Variants in C19orf12 observed in about 807,000 individuals in gnomAD.
The protein encoded by C19orf12 is chromosome 19 open reading frame 12, also known as protein C19orf12.
In C19orf12, 2 loss-of-function variants were observed where a neutral mutation model predicts 3.8. The observed-to-expected ratio is 0.53, with a 90% CI of 0.22 to 1.66. The LOEUF is 1.66. Among genes scored for constraint, C19orf12 ranks in the 40% most tolerant of loss-of-function variants. The pLI, the probability that C19orf12 is intolerant of heterozygous loss-of-function variation, is 0.20. For missense variants in C19orf12, 156 were observed against 188.8 expected, an observed-to-expected ratio of 0.83 and a Z score of 1.02; for synonymous variants, 89 against 84.6, an observed-to-expected ratio of 1.05 and a Z score of -0.28.
At position 29,715,050 on chromosome 19, in the gene C19orf12, G is replaced by A. The variant is rs1430999834; in HGVS notation, c.-11+75C>T. ...AAGGCACTCCCGGGTCTCCAGGCCT[G>A]CTCTTGGGGTGCCCCCTCCTCTCGC... On this transcript the variant is annotated intron_variant, in intron 1 of 2. Transcript: ENST00000323670. 6 of 674,514 alleles carry A rather than the reference G, an allele frequency of 8.9e-6. No homozygotes were observed. In the East Asian group the frequency reaches 1.5e-4, roughly 17 times the overall value. The allele number at this position is 674,514 out of a possible 1,614,324, so 41.8% of individuals were successfully genotyped here. A position where few individuals can be genotyped will look rare whatever the true frequency, so the allele number is the denominator to read the frequency against.
chr19:29,714,756 C>A (rs2145661336), intron 1 of C19orf12: 1 of 129,598 alleles, frequency 7.7e-6, no homozygotes, highest in South Asian at 2.3e-4. Flanking sequence ...CCCACCCCCG[C>A]CAAACCCACA....
rs973794044 is a variant in C19orf12, at chr19:29,708,414, C to T, written c.-1G>A. ...TGATGTCCTCCACCATGATAGTCAT[C>T]GTGGCGGGCCTTCGAGGGAGAAGTT... is the stretch of plus-strand genomic sequence containing the variant. On this transcript the variant is annotated 5_prime_UTR_variant, in exon 2 of 3. Transcript: ENST00000323670. 4.3e-6 allele frequency: 7 copies of T among 1,613,654 alleles called. No individual in the cohort carries two copies. Among genetic ancestry groups the T allele is most frequent in the African/African-American group, 1.3e-5 (1 of 74,902 alleles).
Position 29,699,624 on chromosome 19 carries a change from G to C in C19orf12, c.*3088C>G, listed in dbSNP as rs892399523. ...GTTTTTATTTCATTATATTTTCTGG[G>C]TTTTTCTAGGTTTTCAGCAACAAAT... On this transcript the variant is annotated 3_prime_UTR_variant, in exon 3 of 3. Coordinates refer to ENST00000323670, the MANE Select transcript of C19orf12 (RefSeq NM_031448.6). 2.9e-5 allele frequency: 13 copies of C among 453,794 alleles called. No homozygotes were observed. The highest frequency in any genetic ancestry group is 2.1e-4 in the Admixed American group (9 of 42,524). The allele number at this position is 453,794 out of a possible 1,614,324, so 28.1% of individuals were successfully genotyped here.
chr19:29,699,704 G>A lies in C19orf12; in HGVS notation c.*3008C>T, dbSNP rs1392491735. 19 of 453,898 alleles carry A rather than the reference G, an allele frequency of 4.2e-5. No individual in the cohort carries two copies. The East Asian group carries it at 1.1e-3, about 27-fold the overall frequency. 28.1% of individuals were successfully genotyped at this position (453,898 alleles called of 1,614,324 possible). ...AGACTTACTTTAAAACAGAGTTAAA[G>A]GAATACACATGAAATTGGTAACAGT... On this transcript the variant is annotated 3_prime_UTR_variant, in exon 3 of 3. Coordinates refer to ENST00000323670, the MANE Select transcript of C19orf12 (RefSeq NM_031448.6).
upstream of C19orf12, chr19:29,715,594 A>T (rs1041850993): frequency 9.7e-6 from 2 of 206,668 alleles, no homozygotes; most frequent in African/African-American, 4.8e-5. Context: ...CCTCCCGGAG[A>T]CCTCCCTCCC....
At chr19:29,715,323 C>A, upstream of C19orf12, 1 of 391,358 alleles carries the variant, frequency 2.6e-6, no homozygotes, top group Admixed American at 3.0e-5. Flanking sequence ...ACGCGCCGGG[C>A]CAGCTCCTGG....
chr19:29,711,568 G>T (rs1972677914), intron 1 of C19orf12, among the ~76,000 whole-genome samples: 1 of 152,184 alleles, frequency 6.6e-6, no homozygotes, highest in Non-Finnish European at 1.5e-5. Flanking sequence ...CTTTCCCCGG[G>T]CGTGAAGACC....
In C19orf12 at chr19:29,699,429, A is replaced by T. The variant is rs1599524839; in HGVS notation, c.*3283T>A. ...ACCCAGGAGGCAGAGCTTGCAGTGA[A>T]CCAAGATCGCGCTACTGCACTCCAG... is the stretch of plus-strand genomic sequence containing the variant. On this transcript the variant is annotated 3_prime_UTR_variant, in exon 3 of 3. Coordinates refer to ENST00000323670, the MANE Select transcript of C19orf12 (RefSeq NM_031448.6). 2.5e-6 allele frequency: 1 copy of T among 398,862 alleles called. No individual in the cohort carries two copies. Among genetic ancestry groups the T allele is most frequent in the African/African-American group, 2.1e-5 (1 of 47,074 alleles). 24.7% of individuals were successfully genotyped at this position (398,862 alleles called of 1,614,324 possible). A position where few individuals can be genotyped will look rare whatever the true frequency, so the allele number is the denominator to read the frequency against.
intron 2 of C19orf12, chr19:29,705,402 C>CA (rs34101444): frequency 0.037 from 4,124 of 110,420 alleles, 50 homozygotes; most frequent in Admixed American, 0.082. Flanking sequence ...ATCCTGAAAC[C>CA]AAAAAAAAAA....
intron 2 of C19orf12, 120 bp from the exon 3 acceptor site, chr19:29,703,097 G>T: frequency 7.2e-7 from 1 of 1,379,962 alleles, no homozygotes; most frequent in Non-Finnish European, 1.0e-6. Context: ...GCGGGCTGCA[G>T]CGGGCTCAGC....
In C19orf12 at chr19:29,698,978, T is replaced by C. The variant is rs994971622; in HGVS notation, c.*3734A>G. The C allele has an allele frequency of 8.8e-6, 4 of 453,696 alleles. No individual in the cohort carries two copies. In the East Asian group the frequency reaches 2.8e-4, roughly 32 times the overall value. The allele number at this position is 453,696 out of a possible 1,614,324, so 28.1% of individuals were successfully genotyped here. On this transcript the variant is annotated 3_prime_UTR_variant, in exon 3 of 3. Transcript: ENST00000323670. ...AGAGAATATTAACACAGTATTACTGTAATACTTCAGCATTACAGTAGTAAA... is the reference window on the plus strand; with the variant it reads ...AGAGAATATTAACACAGTATTACTGCAATACTTCAGCATTACAGTAGTAAA...
chr19:29,713,233 T>C (rs1972775530), intron 1 of C19orf12, among the ~76,000 whole-genome samples: 1 of 150,770 alleles, frequency 6.6e-6, no homozygotes, highest in African/African-American at 2.4e-5. Flanking sequence ...GGGACAGACC[T>C]TAGGGGGTGG....
chr19:29,702,331 G>A lies in C19orf12; in HGVS notation c.*381C>T, dbSNP rs774770257. 2.1e-6 allele frequency: 1 copy of A among 475,284 alleles called. No homozygotes were observed. Among genetic ancestry groups the A allele is most frequent in the South Asian group, 1.5e-5 (1 of 64,666 alleles). The allele number at this position is 475,284 out of a possible 1,614,324, so 29.4% of individuals were successfully genotyped here. A position where few individuals can be genotyped will look rare whatever the true frequency, so the allele number is the denominator to read the frequency against. ...CTGAAGAGGAGTCATCTCCCAAGATGAGAAGGCCCCGGGGGGAGGATGAAG... is the reference window on the plus strand; with the variant it reads ...CTGAAGAGGAGTCATCTCCCAAGATAAGAAGGCCCCGGGGGGAGGATGAAG... On this transcript the variant is annotated 3_prime_UTR_variant, in exon 3 of 3. Transcript: ENST00000323670.
intron 2 of C19orf12, chr19:29,705,412 A>G: frequency 2.8e-6 from 1 of 354,928 alleles, no homozygotes. Context: ...CAAAAAAAAA[A>G]AAAAAAAAAA....
At chr19:29,714,382 T>C (rs1470565874) in intron 1 of C19orf12, among the ~76,000 whole-genome samples, 2 of 151,868 alleles carry the variant, frequency 1.3e-5, no homozygotes, top group African/African-American at 2.4e-5. Flanking sequence ...TAATCCCAGC[T>C]ACTAGGGAGG....
rs1972142642 is a variant in C19orf12 at position 29,702,476 on chromosome 19, C to T, written c.*236G>A. On this transcript the variant is annotated 3_prime_UTR_variant, in exon 3 of 3. Transcript: ENST00000323670. ...CTTTACTCTTCACTGGGGGGCCAGT[C>T]AGAGGGCTGTCATGGCAGGCCAGTG... 2.8e-6 allele frequency: 2 copies of T among 707,638 alleles called. No individual in the cohort carries two copies. The highest frequency in any genetic ancestry group is 5.1e-6 in the Non-Finnish European group (2 of 395,928). The allele number at this position is 707,638 out of a possible 1,614,324, so 43.8% of individuals were successfully genotyped here.
chr19:29,700,088 T>A lies in C19orf12; in HGVS notation c.*2624A>T, dbSNP rs1208261469. On this transcript the variant is annotated 3_prime_UTR_variant, in exon 3 of 3. Transcript: ENST00000323670. ...ATCAGGAGTTGGACCATCTCCTCCC[T>A]GGGCATTTTTCCCTGCAGTAGGGGT... 1 of 454,016 alleles carries A rather than the reference T, an allele frequency of 2.2e-6. No homozygotes were observed. Among genetic ancestry groups the A allele is most frequent in the Non-Finnish European group, 4.4e-6 (1 of 226,774 alleles). 28.1% of individuals were successfully genotyped at this position (454,016 alleles called of 1,614,324 possible).
chr19:29,709,705 T>G (rs751137474), intron 1 of C19orf12, among the ~76,000 whole-genome samples: 8 of 151,798 alleles, frequency 5.3e-5, no homozygotes, highest in Non-Finnish European at 7.4e-5. Flanking sequence ...TAATTTTATT[T>G]TTATTTTTAG....
In C19orf12 at chr19:29,702,844, G is replaced by T; in HGVS notation, c.294C>A (p.His98Gln). ...GCTGCACGGCGTCCGTCCACTCCAG[G>T]TGCCTGATGATGGCTGCGGCTTCGT... ...LFNEAAAIIR[H>Q]LEWTDAVQLT... Residue 98 changes from histidine (H) to glutamine (Q), a missense_variant, in exon 3 of 3, where the codon CAC becomes CAA. Transcript: ENST00000323670. 1 of 1,614,158 alleles carries T rather than the reference G, an allele frequency of 6.2e-7. No homozygotes were observed. The highest frequency in any genetic ancestry group is 1.3e-5 in the African/African-American group (1 of 75,062).
Sources: gnomAD v4.1 joint callset for allele counts (sites outside exome capture counted in the v4.1 genomes callset) on GRCh38, gnomAD v4.1.1 for gene constraint, MANE v1.5 for transcripts, NCBI Gene and HGNC (gene_info 2026-07-23, HGNC 2026-07-21) for gene names.